ANO4: variants seen among roughly 807,000 people sequenced by gnomAD.
ANO4 encodes anoctamin-4.
ANO4 carries 69 observed loss-of-function variants against 141.9 expected under a neutral mutation model. That is an observed-to-expected ratio of 0.49 (90% CI 0.40 to 0.59). The LOEUF (loss-of-function observed/expected upper bound fraction) is 0.59, where lower values mean the gene tolerates loss of function less well. Among genes scored for constraint, ANO4 ranks in the 20% least tolerant of loss-of-function variants. The probability of loss-of-function intolerance (pLI) is 0.00; values close to 1 mark genes in which losing one functional copy is unlikely to be tolerated. For missense variants in ANO4, 894 were observed against 1,162.2 expected (o/e 0.77, Z 3.36); for synonymous variants, 350 against 394.3 (o/e 0.89, Z 1.33).
At chr12:100,981,953 C>T (rs929379958) in intron 7 of ANO4, among the ~76,000 whole-genome samples, 27 of 152,058 alleles carry the variant, frequency 1.8e-4, no homozygotes. Context: ...TTCCCAAGAC[C>T]AAACTTGGGA....
At chr12:100,805,132 G>A (rs2034926109) in intron 1 of ANO4, among the ~76,000 whole-genome samples, 1 of 152,166 alleles carries the variant, frequency 6.6e-6, no homozygotes, top group African/African-American at 2.4e-5. Context: ...TGTATAAGAT[G>A]TAAAGAAGGA....
intron 1 of ANO4, among the ~76,000 whole-genome samples, chr12:100,810,893 T>C (rs1392870821): frequency 3.9e-5 from 6 of 152,162 alleles, no homozygotes; most frequent in African/African-American, 1.4e-4. Flanking sequence ...TGTATACTTA[T>C]GAGCCACACT....
At chr12:100,817,545 T>C (rs2035805540) in intron 1 of ANO4, among the ~76,000 whole-genome samples, 2 of 151,956 alleles carry the variant, frequency 1.3e-5, no homozygotes. Flanking sequence ...GTAATATAAT[T>C]ACCGAGTCTC....
At chr12:101,121,801 C>T (rs944976227) in intron 26 of ANO4, among the ~76,000 whole-genome samples, 23 of 144,968 alleles carry the variant, frequency 1.6e-4, no homozygotes, top group African/African-American at 4.7e-4. Context: ...CTCTCTCTGT[C>T]GCCCAGGCTG....
intron 1 of ANO4, among the ~76,000 whole-genome samples, chr12:100,802,337 A>G (rs1319441756): frequency 6.6e-6 from 1 of 152,176 alleles, no homozygotes; most frequent in Non-Finnish European, 1.5e-5. Context: ...TCTGTCTGTG[A>G]TAGATTCAAT....
intron 1 of ANO4, among the ~76,000 whole-genome samples, chr12:100,718,113 C>T: frequency 6.6e-6 from 1 of 152,118 alleles, no homozygotes; most frequent in East Asian, 1.9e-4. Context: ...TCATCGTTCC[C>T]CTGCCCATTG....
At chr12:100,949,673 A>G (rs1321517884) in intron 5 of ANO4, among the ~76,000 whole-genome samples, 2 of 152,216 alleles carry the variant, frequency 1.3e-5, no homozygotes, top group Non-Finnish European at 2.9e-5. Context: ...GAATAGCAAC[A>G]TCAGTGGGTC....
chr12:101,097,806 T>C, intron 20 of ANO4, 42 bp from the exon 21 acceptor site: 2 of 1,607,860 alleles, frequency 1.2e-6, no homozygotes, highest in Non-Finnish European at 1.7e-6. Flanking sequence ...CCTTTCTTCC[T>C]CTCCATTGAT....
At chr12:100,828,722 T>C (rs2036488755) in intron 1 of ANO4, among the ~76,000 whole-genome samples, 1 of 152,024 alleles carries the variant, frequency 6.6e-6, no homozygotes, top group South Asian at 2.1e-4. Flanking sequence ...AATACATATA[T>C]GAATAACATT....
intron 14 of ANO4, among the ~76,000 whole-genome samples, chr12:101,056,928 A>G (rs542838350): frequency 1.5e-5 from 1 of 66,334 alleles, no homozygotes; most frequent in Non-Finnish European, 3.1e-5. Flanking sequence ...ATAGGTATAC[A>G]TGTGCCATCG....
chr12:100,728,181 C>T (rs998501798), intron 1 of ANO4, among the ~76,000 whole-genome samples: 14 of 152,032 alleles, frequency 9.2e-5, no homozygotes, highest in Non-Finnish European at 1.3e-4. Context: ...TTTTCTTTTT[C>T]GTGGCGGTTA....
At chr12:101,053,825 G>A (rs2047978686) in intron 14 of ANO4, among the ~76,000 whole-genome samples, 1 of 152,238 alleles carries the variant, frequency 6.6e-6, no homozygotes, top group South Asian at 2.1e-4. Context: ...TGAAGGCTGA[G>A]AGCTACTTAT....
intron 1 of ANO4, among the ~76,000 whole-genome samples, chr12:100,828,283 T>C (rs78522652): frequency 0.25 from 37,685 of 151,938 alleles, 5,109 homozygotes; most frequent in African/African-American, 0.37. Context: ...GTATTTTGGA[T>C]GCATCTGGGT....
At chr12:100,888,950 TG>T (rs2039972226) in intron 1 of ANO4, among the ~76,000 whole-genome samples, 1 of 152,162 alleles carries the variant, frequency 6.6e-6, no homozygotes, top group South Asian at 2.1e-4. Flanking sequence ...TACATATGTA[TG>T]CATGTGCCAT....
chr12:100,926,900 G>A (rs188957603), intron 3 of ANO4, among the ~76,000 whole-genome samples: 218 of 152,222 alleles, frequency 1.4e-3, no homozygotes, highest in African/African-American at 5.1e-3. Context: ...GCATGCCTGG[G>A]AGACTGCAGG....
intron 8 of ANO4, among the ~76,000 whole-genome samples, chr12:101,012,547 C>A (rs942795575): frequency 6.6e-6 from 1 of 151,992 alleles, no homozygotes; most frequent in East Asian, 1.9e-4. Flanking sequence ...TGTTCAGGGT[C>A]AGAAAACAAA....
At chr12:100,861,152 G>T (rs1435579867) in intron 1 of ANO4, among the ~76,000 whole-genome samples, 1 of 152,144 alleles carries the variant, frequency 6.6e-6, no homozygotes, top group South Asian at 2.1e-4. Flanking sequence ...ATTTTACAGA[G>T]CATTGATTGG....
intron 1 of ANO4, among the ~76,000 whole-genome samples, chr12:100,797,946 T>C: frequency 6.6e-6 from 1 of 152,226 alleles, no homozygotes; most frequent in East Asian, 1.9e-4. Context: ...ATCATGTAAC[T>C]GAGGGAAGAA....
At chr12:101,004,793 T>C (rs2045803152) in intron 8 of ANO4, among the ~76,000 whole-genome samples, 4 of 152,114 alleles carry the variant, frequency 2.6e-5, no homozygotes, top group African/African-American at 9.7e-5. Flanking sequence ...CCATTATGAA[T>C]AGTTTATTGA....
Sources: allele counts gnomAD v4.1 joint callset (sites outside exome capture counted in the v4.1 genomes callset), GRCh38; gene constraint gnomAD v4.1.1; transcripts MANE v1.5; gene names NCBI Gene and HGNC (gene_info 2026-07-23, HGNC 2026-07-21).